TTLL3: variants seen among roughly 807,000 people sequenced by gnomAD.
The protein encoded by TTLL3 is tubulin tyrosine ligase like 3, also known as tubulin monoglycylase TTLL3.
TTLL3 carries 63 observed loss-of-function variants against 75.2 expected under a neutral mutation model. The observed-to-expected ratio is 0.84, with a 90% CI of 0.68 to 1.03. The LOEUF is 1.03. TTLL3 is among the 50% of genes least tolerant of loss of function. The pLI, the probability that TTLL3 is intolerant of heterozygous loss-of-function variation, is 0.00. For synonymous variants in TTLL3, 393 were observed against 418.5 expected (o/e 0.94, Z 0.74); for missense variants, 997 against 1,069.9 (o/e 0.93, Z 0.95).
intron 13 of TTLL3, 45 bp from the exon 14 acceptor site, chr3:9,835,049 C>T (rs1474166915): frequency 1.9e-6 from 3 of 1,587,928 alleles, no homozygotes; most frequent in African/African-American, 2.7e-5. Context: ...CCTTCCTCCA[C>T]AGACTTCTGA....
intron 7 of TTLL3, 95 bp downstream of exon 7, chr3:9,819,015 G>A (rs1207288076): frequency 2.0e-5 from 30 of 1,499,430 alleles, no homozygotes; most frequent in South Asian, 3.5e-5. Context: ...ATTCATCCAC[G>A]CACCTACTGG....
Position 9,816,135 on chromosome 3 carries a change from A to C in TTLL3, c.377A>C (p.Asp126Ala). 7.4e-7 allele frequency: 1 copy of C among 1,351,058 alleles called. No individual in the cohort carries two copies. The highest frequency in any genetic ancestry group is 9.9e-7 in the Non-Finnish European group (1 of 1,014,392). The allele number at this position is 1,351,058 out of a possible 1,614,324, so 83.7% of individuals were successfully genotyped here. A position where few individuals can be genotyped will look rare whatever the true frequency, so the allele number is the denominator to read the frequency against. ...TGGACCACTCGGCGGGATGTGCTCG[A>C]CTGTCGCTTCCTCTCCAAGGATCAG... ...FIWTTRRDVL[D>A]CRFLSKDQMI... The change falls in exon 5 of 14, where the codon GAC (aspartate) becomes GCC (alanine). Residue 126 changes from aspartate (D) to alanine (A), a missense_variant. Transcript: ENST00000685419.
intron 10 of TTLL3, chr3:9,827,543 C>A: frequency 2.9e-6 from 1 of 350,686 alleles, no homozygotes; most frequent in Non-Finnish European, 5.3e-6. Context: ...TCTGAGACCA[C>A]AGGCATGTAC....
At position 9,816,178 on chromosome 3, in the gene TTLL3, C is replaced by A; in HGVS notation, c.420C>A (p.Ala140=). The change falls in exon 5 of 14, where the codon GCC becomes GCA. Residue 140 remains alanine (A), a synonymous_variant. Transcript: ENST00000685419. The part of the protein sequence containing the change: ...LSKDQMINHY[A]RAGSFTTKVG... ...AGGATCAGATGATAAACCACTACGC[C>A]CGGGCTGGCTCCTTTACCACAAAGG... The A allele has an allele frequency of 7.4e-7, 1 of 1,354,548 alleles. No homozygotes were observed. 83.9% of individuals were successfully genotyped at this position (1,354,548 alleles called of 1,614,324 possible). A position where few individuals can be genotyped will look rare whatever the true frequency, so the allele number is the denominator to read the frequency against.
At chr3:9,823,257 G>A (rs2080665320) in intron 8 of TTLL3, among the ~76,000 whole-genome samples, 1 of 152,050 alleles carries the variant, frequency 6.6e-6, no homozygotes, top group African/African-American at 2.4e-5. Flanking sequence ...GGTGGTGGGT[G>A]CCTGTAGTCC....
At chr3:9,814,153 TAAA>T (rs985726317) in intron 4 of TTLL3, among the ~76,000 whole-genome samples, 1 of 149,744 alleles carries the variant, frequency 6.7e-6, no homozygotes, top group African/African-American at 2.5e-5. Context: ...AACAAACAAA[TAAA>T]AAAACAAACA....
chr3:9,821,047 T>G (rs1321840582), intron 8 of TTLL3: 1 of 369,738 alleles, frequency 2.7e-6, no homozygotes, highest in African/African-American at 2.0e-5. Context: ...AAAAAGGGCT[T>G]TTGTGGTCCA....
chr3:9,819,499 G>T (rs1185716270), intron 7 of TTLL3: 3 of 989,672 alleles, frequency 3.0e-6, no homozygotes, highest in Non-Finnish European at 3.6e-6. Flanking sequence ...TGCCTGTGAG[G>T]AGTTCAGGTC....
chr3:9,834,312 G>A (rs1337787787), intron 12 of TTLL3: 4 of 478,694 alleles, frequency 8.4e-6, no homozygotes, highest in Admixed American at 2.3e-5. Flanking sequence ...ACCTCTCGGG[G>A]AAAGAACTAA....
chr3:9,824,072 T>A (rs1235204304), intron 8 of TTLL3, among the ~76,000 whole-genome samples: 1 of 152,148 alleles, frequency 6.6e-6, no homozygotes, highest in Non-Finnish European at 1.5e-5. Context: ...TGCTTGGGGA[T>A]GGGGATTATA....
At chr3:9,831,746 C>T (rs2081550817) in intron 11 of TTLL3, among the ~76,000 whole-genome samples, 1 of 151,826 alleles carries the variant, frequency 6.6e-6, no homozygotes. Flanking sequence ...ATGAACTTTC[C>T]CTCATCATCT....
intron 4 of TTLL3, among the ~76,000 whole-genome samples, chr3:9,815,728 A>G (rs994373836): frequency 6.6e-5 from 10 of 152,250 alleles, no homozygotes; most frequent in South Asian, 2.1e-4. Context: ...GGAATTTGCC[A>G]TGGTTTGATG....
At chr3:9,832,758 G>A (rs111526826) in intron 11 of TTLL3, among the ~76,000 whole-genome samples, 3 of 152,344 alleles carry the variant, frequency 2.0e-5, no homozygotes, top group African/African-American at 7.2e-5. Context: ...TCTCTGTGCA[G>A]AGAATCTGAT....
rs146123786 is a variant in TTLL3, at chr3:9,825,625, G to C, written c.855-175G>C. 1.6e-5 allele frequency: 18 copies of C among 1,142,114 alleles called. No homozygotes were observed. The African/African-American group carries it at 2.0e-4, about 13-fold the overall frequency. 70.7% of individuals were successfully genotyped at this position (1,142,114 alleles called of 1,614,324 possible). On this transcript the variant is annotated intron_variant, in intron 8 of 13. Coordinates refer to ENST00000685419, the MANE Select transcript of TTLL3 (RefSeq NM_001387446.1). ...GTAGTCTGGGCAGGTTAGGATTTCC[G>C]GGGTGGCTTGAAGGTGGGGCCGGAG...
At position 9,835,820 on chromosome 3, in the gene TTLL3, A is replaced by C; in HGVS notation, c.*331A>C. Reference sequence around the variant, plus strand: ...CAGGGGAAGGAATTGGCCTTGCCTAAACCTCAGCCCTTCTGCAGAGGGCAT... The same window carrying C: ...CAGGGGAAGGAATTGGCCTTGCCTACACCTCAGCCCTTCTGCAGAGGGCAT... On this transcript the variant is annotated 3_prime_UTR_variant, in exon 14 of 14. Transcript: ENST00000685419. 3.5e-6 allele frequency: 1 copy of C among 286,000 alleles called. No individual in the cohort carries two copies. The highest frequency in any genetic ancestry group is 6.5e-6 in the Non-Finnish European group (1 of 153,710). The allele number at this position is 286,000 out of a possible 1,614,324, so 17.7% of individuals were successfully genotyped here. A position where few individuals can be genotyped will look rare whatever the true frequency, so the allele number is the denominator to read the frequency against.
At chr3:9,833,313 G>A in intron 12 of TTLL3, 68 bp downstream of exon 12, 2 of 1,581,064 alleles carry the variant, frequency 1.3e-6, no homozygotes, top group South Asian at 1.2e-5. Context: ...GGAGCCTGGG[G>A]CACAGTGAGA....
intron 12 of TTLL3, chr3:9,834,432 G>T (rs1171772827): frequency 4.3e-6 from 3 of 691,018 alleles, no homozygotes. Context: ...TCCAGCCGAG[G>T]TATCAGGAAG....
chr3:9,818,068 T>A (rs1434482215), intron 6 of TTLL3: 3 of 234,692 alleles, frequency 1.3e-5, no homozygotes, highest in Non-Finnish European at 2.5e-5. Context: ...TCAAGTTCCA[T>A]TTGTTGAATT....
intron 11 of TTLL3, among the ~76,000 whole-genome samples, chr3:9,829,925 C>T (rs1356025571): frequency 2.0e-5 from 3 of 152,204 alleles, no homozygotes; most frequent in African/African-American, 4.8e-5. Flanking sequence ...TCACTGCAAC[C>T]TCTACCTCCT....
Sources: allele counts gnomAD v4.1 joint callset (sites outside exome capture counted in the v4.1 genomes callset), GRCh38; gene constraint gnomAD v4.1.1; transcripts MANE v1.5; gene names NCBI Gene and HGNC (gene_info 2026-07-23, HGNC 2026-07-21).